The following ALDH3B1 variants were observed in gnomAD, a reference collection of about 807,000 sequenced individuals.
ALDH3B1 encodes aldehyde dehydrogenase family 3 member B1.
A neutral mutation model predicts 46.2 loss-of-function variants in ALDH3B1; 37 were observed. The ratio of observed to expected loss-of-function variants is 0.80; its 90% CI spans 0.62 to 1.05. The LOEUF (loss-of-function observed/expected upper bound fraction) is 1.05. ALDH3B1 is among the 50% of genes least tolerant of loss of function. The pLI, the probability that ALDH3B1 is intolerant of heterozygous loss-of-function variation, is 0.00. For synonymous variants in ALDH3B1, 283 were observed against 281.0 expected (o/e 1.01, Z -0.07); for missense variants, 603 against 665.5 (o/e 0.91, Z 1.03).
At chr11:68,024,733 G>C (rs949553380) in intron 8 of ALDH3B1, 1 of 152,150 alleles carries the variant, frequency 6.6e-6, no homozygotes, top group Non-Finnish European at 1.5e-5. Context: ...GCTGGATACC[G>C]TATTCTTGGC....
At chr11:68,009,539 A>T (rs1368664170), upstream of ALDH3B1, among the ~76,000 whole-genome samples, 1 of 152,242 alleles carries the variant, frequency 6.6e-6, no homozygotes, top group Non-Finnish European at 1.5e-5. Context: ...AAAGGCTTAC[A>T]ACTTTAAGGG....
chr11:68,021,576 C>T lies in ALDH3B1; in HGVS notation c.654C>T (p.Tyr218=), dbSNP rs768590190. Residue 218 remains tyrosine (Y), a synonymous_variant, in exon 7 of 10, where the codon TAC becomes TAT. Coordinates refer to ENST00000342456, the MANE Select transcript of ALDH3B1 (RefSeq NM_000694.4). ...AGCTGGGGGGCAAGAACCCTTGCTA[C>T]GTGGACGACAACTGCGACCCCCAGA... ...TLELGGKNPC[Y]VDDNCDPQTV... 4.3e-6 allele frequency: 7 copies of T among 1,613,992 alleles called. No homozygotes were observed. In the East Asian group the frequency reaches 1.1e-4, roughly 26 times the overall value.
In ALDH3B1 at chr11:68,012,499, T is replaced by TG. The variant is rs1238178454; in HGVS notation, c.-2+2113dup. Among the ~76,000 whole-genome samples the TG allele has an allele frequency of 3.9e-5, 6 of 152,160 alleles. No homozygotes were observed. The East Asian group carries it at 5.8e-4, about 15-fold the overall frequency. On this transcript the variant is annotated intron_variant, in intron 1 of 9. Transcript: ENST00000342456. Reference sequence around the variant, plus strand: ...GGGCCAAATGCACCTCAACCTGTGATGGGGGGCCACGCCCCAGAGACCCTT... The same window carrying TG: ...GGGCCAAATGCACCTCAACCTGTGATGGGGGGGCCACGCCCCAGAGACCCTT...
chr11:68,018,963 A>G, intron 4 of ALDH3B1, 70 bp downstream of exon 4: 48 of 1,512,814 alleles, frequency 3.2e-5, no homozygotes, highest in Non-Finnish European at 4.2e-5. Flanking sequence ...CATGGATCCC[A>G]GGAGGACATG....
At chr11:68,010,700 C>T (rs1590768947) in intron 1 of ALDH3B1, among the ~76,000 whole-genome samples, 1 of 152,198 alleles carries the variant, frequency 6.6e-6, no homozygotes, top group African/African-American at 2.4e-5. Flanking sequence ...CCAAGGGAAC[C>T]AAGGGAACAG....
At chr11:68,009,825 C>A (rs1481485120), upstream of ALDH3B1, among the ~76,000 whole-genome samples, 1 of 152,002 alleles carries the variant, frequency 6.6e-6, no homozygotes, top group Admixed American at 6.6e-5. Flanking sequence ...GTCTTGTAAA[C>A]CAGGCAAGGT....
chr11:68,012,613 G>A (rs1287016588), intron 1 of ALDH3B1, among the ~76,000 whole-genome samples: 1 of 152,190 alleles, frequency 6.6e-6, no homozygotes, highest in African/African-American at 2.4e-5. Context: ...GTGGGGAGTG[G>A]CAGCAATAGT....
chr11:68,025,319 A>G (rs1229854719), intron 8 of ALDH3B1: 2 of 152,236 alleles, frequency 1.3e-5, no homozygotes, highest in Non-Finnish European at 2.9e-5. Context: ...CACATCAGAC[A>G]AGCCCTGACC....
rs1854654555 is a variant in ALDH3B1 at position 68,028,687 on chromosome 11, A to C, written c.*748A>C. 6.6e-6 allele frequency: 1 copy of C among 152,236 alleles called. No individual in the cohort carries two copies. Among genetic ancestry groups the C allele is most frequent in the Non-Finnish European group, 1.5e-5 (1 of 68,220 alleles). 9.4% of individuals were successfully genotyped at this position (152,236 alleles called of 1,614,324 possible). On this transcript the variant is annotated 3_prime_UTR_variant, in exon 10 of 10. Transcript: ENST00000342456. ...AGGAGGCTCTGCCTTAAAAAAAAAA[A>C]AAAAAAAAACCTCCTGGGACTGTTG...
rs570844706 is a variant in ALDH3B1, at chr11:68,018,759, G to A, written c.274-14G>A. Reference sequence around the variant, plus strand: ...GTGCTGAGCACTTAATTTCATCCCCGGCTCCCGGCCCAGGCCACGCAGCTG... The same window carrying A: ...GTGCTGAGCACTTAATTTCATCCCCAGCTCCCGGCCCAGGCCACGCAGCTG... On this transcript the variant is annotated splice_polypyrimidine_tract_variant and intron_variant, in intron 3 of 9. Coordinates refer to ENST00000342456, the MANE Select transcript of ALDH3B1 (RefSeq NM_000694.4). 2.2e-4 allele frequency: 341 copies of A among 1,551,392 alleles called. 4 individuals are homozygous for A. In the Admixed American group the frequency reaches 5.5e-3, roughly 25 times the overall value.
chr11:68,019,990 C>G (rs1242475264), intron 6 of ALDH3B1, among the ~76,000 whole-genome samples, 194 bp downstream of exon 6: 1 of 152,150 alleles, frequency 6.6e-6, no homozygotes, highest in Non-Finnish European at 1.5e-5. Context: ...GGCCAGCCCA[C>G]TGTGCCAACC....
At chr11:68,016,482 T>C (rs1857353267) in intron 2 of ALDH3B1, 1 of 152,514 alleles carries the variant, frequency 6.6e-6, no homozygotes, top group South Asian at 2.1e-4. Context: ...ATGGCCTCTG[T>C]CTAGACCCTG....
In ALDH3B1 at chr11:68,015,293, G is replaced by A. The variant is rs1454536788; in HGVS notation, c.-1-4G>A. The A allele has an allele frequency of 2.7e-6, 4 of 1,472,134 alleles. No individual in the cohort carries two copies. The highest frequency in any genetic ancestry group is 3.6e-6 in the Non-Finnish European group (4 of 1,106,448). 91.2% of individuals were successfully genotyped at this position (1,472,134 alleles called of 1,614,324 possible). A position where few individuals can be genotyped will look rare whatever the true frequency, so the allele number is the denominator to read the frequency against. ...CACCCAGTTCATGCCACCCCATCTG[G>A]CAGGATGGACCCCCTTGGGGACACG... On this transcript the variant is annotated splice_region_variant and splice_polypyrimidine_tract_variant and intron_variant, in intron 1 of 9. Transcript: ENST00000342456.
chr11:68,021,183 G>A (rs932793365), intron 6 of ALDH3B1, among the ~76,000 whole-genome samples: 4 of 152,138 alleles, frequency 2.6e-5, no homozygotes, highest in African/African-American at 9.7e-5. Context: ...CCCCTGCAGG[G>A]TCAGCCAGGG....
intron 1 of ALDH3B1, among the ~76,000 whole-genome samples, chr11:68,014,733 G>A (rs929312377): frequency 3.3e-5 from 5 of 152,200 alleles, no homozygotes; most frequent in African/African-American, 1.2e-4. Flanking sequence ...GCCTCCCTGG[G>A]CAGTGCCCCC....
At position 68,019,760 on chromosome 11, in the gene ALDH3B1, C is replaced by T; in HGVS notation, c.526C>T (p.Leu176=). 1 of 1,614,186 alleles carries T rather than the reference C, an allele frequency of 6.2e-7. No individual in the cohort carries two copies. The highest frequency in any genetic ancestry group is 1.1e-5 in the South Asian group (1 of 91,090). Reference sequence around the variant, plus strand: ...GGGCGGGCCCCAGGAGACGGGGCAGCTGCTAGAGCACAGGTTCGACTACAT... The same window carrying T: ...GGGCGGGCCCCAGGAGACGGGGCAGTTGCTAGAGCACAGGTTCGACTACAT... ...VLGGPQETGQ[L]LEHRFDYIFF... is the part of the protein sequence containing the mutation. The change falls in exon 6 of 10, where the codon CTG becomes TTG. Residue 176 remains leucine, a synonymous_variant. Transcript: ENST00000342456.
In ALDH3B1 at chr11:68,028,248, C is replaced by A. The variant is rs1032097403; in HGVS notation, c.*309C>A. On this transcript the variant is annotated 3_prime_UTR_variant, in exon 10 of 10. Transcript: ENST00000342456. ...ACAGACACGGCACCTCTGAGTCACC[C>A]CTCTCCTGTGGAGCGGGCGTCCGAG... 2 of 540,300 alleles carry A rather than the reference C, an allele frequency of 3.7e-6. No homozygotes were observed. Among genetic ancestry groups the A allele is most frequent in the Non-Finnish European group, 7.1e-6 (2 of 283,362 alleles). The allele number at this position is 540,300 out of a possible 1,614,324, so 33.5% of individuals were successfully genotyped here. A position where few individuals can be genotyped will look rare whatever the true frequency, so the allele number is the denominator to read the frequency against.
rs368436689 is a variant in ALDH3B1 at position 68,019,213 on chromosome 11, C to T, written c.438C>T (p.Val146=). ...AGCCATCGGAGATTAGCAAGAACGT[C>T]GAGAAGATCCTGGCCGAGGTGCTGC... is the stretch of plus-strand genomic sequence containing the variant. ...VLKPSEISKN[V]EKILAEVLPQ... The change falls in exon 5 of 10, where the codon GTC becomes GTT. Residue 146 remains valine, a synonymous_variant. Coordinates refer to ENST00000342456, the MANE Select transcript of ALDH3B1 (RefSeq NM_000694.4). 6.8e-6 allele frequency: 11 copies of T among 1,613,368 alleles called. No homozygotes were observed. The highest frequency in any genetic ancestry group is 1.6e-4 in the Middle Eastern group (1 of 6,084).
chr11:68,027,942 C>G lies in ALDH3B1; in HGVS notation c.*3C>G. 1 of 1,553,616 alleles carries G rather than the reference C, an allele frequency of 6.4e-7. No homozygotes were observed. Among genetic ancestry groups the G allele is most frequent in the Non-Finnish European group, 8.7e-7 (1 of 1,155,844 alleles). ...GCTGCAGCTGCACACTGCTCTGAGC[C>G]CTTCCCCAGGCCCAGGCTGTAGACC... is the stretch of plus-strand genomic sequence containing the variant. On this transcript the variant is annotated 3_prime_UTR_variant, in exon 10 of 10. Transcript: ENST00000342456.
Sources: allele counts gnomAD v4.1 joint callset (sites outside exome capture counted in the v4.1 genomes callset), GRCh38; gene constraint gnomAD v4.1.1; transcripts MANE v1.5; gene names NCBI Gene and HGNC (gene_info 2026-07-23, HGNC 2026-07-21).